Variants in ZFP91 observed in about 807,000 individuals in gnomAD.
The protein encoded by ZFP91 is E3 ubiquitin-protein ligase ZFP91.
Under a neutral mutation model 63.5 loss-of-function variants are expected in ZFP91, and 7 were observed. That is an observed-to-expected ratio of 0.11 (90% CI 0.06 to 0.21). The LOEUF (loss-of-function observed/expected upper bound fraction) is 0.21. Ranked by LOEUF, ZFP91 falls within the 10% of genes least tolerant of loss-of-function variation. The pLI, the probability that ZFP91 is intolerant of heterozygous loss-of-function variation, is 1.00. For synonymous variants in ZFP91, 330 were observed against 272.1 expected (o/e 1.21, Z -2.10); for missense variants, 628 against 736.6 (o/e 0.85, Z 1.71).
intron 2 of ZFP91, among the ~76,000 whole-genome samples, chr11:58,591,416 T>G (rs1252932646): frequency 6.6e-6 from 1 of 152,342 alleles, no homozygotes; most frequent in Non-Finnish European, 1.5e-5. Flanking sequence ...AGTACTGTGA[T>G]GTATATTTTT....
chr11:58,595,302 G>T (rs781622804), intron 2 of ZFP91, among the ~76,000 whole-genome samples: 4 of 152,148 alleles, frequency 2.6e-5, no homozygotes, highest in Non-Finnish European at 4.4e-5. Context: ...CTTAAAGAGA[G>T]ATTTGAAGAC....
At position 58,610,099 on chromosome 11, in the gene ZFP91, A is replaced by C. The variant is rs1855634540; in HGVS notation, c.580+60A>C. ...TAGTTGCTGTTACATTTTAAATGTA[A>C]TGTTGAACATTTGTGTTAACAGCTT... On this transcript the variant is annotated intron_variant, in intron 3 of 10. Coordinates refer to ENST00000316059, the MANE Select transcript of ZFP91 (RefSeq NM_053023.5). The C allele has an allele frequency of 3.2e-6, 5 of 1,572,276 alleles. No homozygotes were observed. The South Asian group carries it at 4.5e-5, about 14-fold the overall frequency.
chr11:58,609,726 A>G (rs909840094), intron 2 of ZFP91, 104 bp from the exon 3 acceptor site: 2 of 1,055,358 alleles, frequency 1.9e-6, no homozygotes, highest in African/African-American at 1.6e-5. Context: ...TTTTCCTTTG[A>G]AAATATTTAA....
At chr11:58,590,404 C>G (rs1473561265) in intron 2 of ZFP91, among the ~76,000 whole-genome samples, 1 of 152,202 alleles carries the variant, frequency 6.6e-6, no homozygotes, top group Admixed American at 6.5e-5. Flanking sequence ...GCCATTCCCC[C>G]CTCCTCATTG....
chr11:58,611,427 A>G (rs1855660720), intron 5 of ZFP91, 177 bp from the exon 6 acceptor site: 3 of 800,812 alleles, frequency 3.7e-6, no homozygotes, highest in Non-Finnish European at 5.8e-6. Flanking sequence ...TGAGCAACAT[A>G]TACATATATT....
chr11:58,610,396 TG>T, intron 4 of ZFP91, 62 bp downstream of exon 4: 1 of 1,451,152 alleles, frequency 6.9e-7, no homozygotes, highest in Non-Finnish European at 9.2e-7. Context: ...TCACAGTAAA[TG>T]ATTCAGAAGT....
At chr11:58,615,973 C>T (rs544956796) in intron 9 of ZFP91, among the ~76,000 whole-genome samples, 7 of 152,136 alleles carry the variant, frequency 4.6e-5, no homozygotes, top group Non-Finnish European at 1.0e-4. Flanking sequence ...TTCCCAAACA[C>T]GGTAAAGAAA....
At chr11:58,582,262 T>C (rs994339156) in intron 1 of ZFP91, among the ~76,000 whole-genome samples, 7 of 152,228 alleles carry the variant, frequency 4.6e-5, no homozygotes, top group Non-Finnish European at 8.8e-5. Flanking sequence ...AAAATACATT[T>C]TAAGACTTAA....
chr11:58,600,843 TTG>T (rs1303490093), intron 2 of ZFP91, among the ~76,000 whole-genome samples: 2 of 152,154 alleles, frequency 1.3e-5, no homozygotes, highest in Non-Finnish European at 2.9e-5. Context: ...TCCCAGTTTT[TTG>T]TGTGTTCTTA....
chr11:58,602,354 G>C (rs969492864), intron 2 of ZFP91, among the ~76,000 whole-genome samples: 3 of 152,136 alleles, frequency 2.0e-5, no homozygotes, highest in Non-Finnish European at 4.4e-5. Flanking sequence ...GTGGGATACA[G>C]ATGTCTCCAT....
At chr11:58,606,170 T>C (rs1047762512) in intron 2 of ZFP91, among the ~76,000 whole-genome samples, 26 of 152,314 alleles carry the variant, frequency 1.7e-4, no homozygotes, top group African/African-American at 6.0e-4. Context: ...CAAGTGATTC[T>C]CCTACCTCAG....
chr11:58,614,688 A>G (rs1855722193), intron 9 of ZFP91, among the ~76,000 whole-genome samples: 1 of 152,282 alleles, frequency 6.6e-6, no homozygotes, highest in African/African-American at 2.4e-5. Flanking sequence ...TTTTACAGCT[A>G]AGAAACTAGA....
intron 2 of ZFP91, among the ~76,000 whole-genome samples, chr11:58,605,753 A>C (rs1855560302): frequency 6.6e-6 from 1 of 151,974 alleles, no homozygotes; most frequent in Admixed American, 6.5e-5. Flanking sequence ...TCTTTCATTT[A>C]TCCTACTAGG....
chr11:58,600,521 C>T (rs12293102), intron 2 of ZFP91, among the ~76,000 whole-genome samples: 1,663 of 152,126 alleles, frequency 0.011, 37 homozygotes, highest in African/African-American at 0.038. Context: ...TCTGGCCCTT[C>T]GAATTTGTAT....
In ZFP91 at chr11:58,582,793, ACTT is replaced by A. The variant is rs374329317; in HGVS notation, c.342-2059_342-2057del. ...TTTTTATAATCTGATGTTTATAACA[ACTT>A]CTTTTCACAATGAACTATTTAGGGG... On this transcript the variant is annotated intron_variant, in intron 1 of 10. Coordinates refer to ENST00000316059, the MANE Select transcript of ZFP91 (RefSeq NM_053023.5). Among the ~76,000 whole-genome samples the A allele has an allele frequency of 4.5e-3, 690 of 152,324 alleles. 5 individuals carry two copies. The highest frequency in any genetic ancestry group is 0.016 in the African/African-American group (645 of 41,588).
At chr11:58,599,844 A>T (rs898839812) in intron 2 of ZFP91, among the ~76,000 whole-genome samples, 2 of 151,966 alleles carry the variant, frequency 1.3e-5, no homozygotes, top group African/African-American at 4.8e-5. Context: ...TCTTTGATCC[A>T]TTTTGAGTTA....
At chr11:58,614,462 A>G in intron 9 of ZFP91, 119 bp downstream of exon 9, 2 of 685,298 alleles carry the variant, frequency 2.9e-6, no homozygotes, top group Non-Finnish European at 4.4e-6. Flanking sequence ...AGTGCGGGGA[A>G]AAGGTGTGAA....
In ZFP91 at chr11:58,614,656, A is replaced by T. The variant is rs146510919; in HGVS notation, c.1102+313A>T. Among the ~76,000 whole-genome samples the T allele has an allele frequency of 2.6e-5, 4 of 152,252 alleles. No homozygotes were observed. In the South Asian group the frequency reaches 8.3e-4, roughly 32 times the overall value. ...GCTAATTAGTCTATTCAACACCACT[A>T]AATTTGTTTATATTGATCTTATTTT... On this transcript the variant is annotated intron_variant, in intron 9 of 10. Coordinates refer to ENST00000316059, the MANE Select transcript of ZFP91 (RefSeq NM_053023.5).
intron 2 of ZFP91, among the ~76,000 whole-genome samples, chr11:58,589,981 A>G (rs1855277286): frequency 6.6e-6 from 1 of 152,216 alleles, no homozygotes; most frequent in South Asian, 2.1e-4. Context: ...ACTTATTGCC[A>G]TCTTCGACAC....
Sources: gnomAD v4.1 joint callset for allele counts (sites outside exome capture counted in the v4.1 genomes callset) on GRCh38, gnomAD v4.1.1 for gene constraint, MANE v1.5 for transcripts, NCBI Gene and HGNC (gene_info 2026-07-23, HGNC 2026-07-21) for gene names.